SLC9A7: variants seen among roughly 807,000 people sequenced by gnomAD.
SLC9A7 encodes solute carrier family 9 member A7, also known as sodium/hydrogen exchanger 7.
A neutral mutation model predicts 52.6 loss-of-function variants in SLC9A7; 19 were observed. That is an observed-to-expected ratio of 0.36 (90% CI 0.25 to 0.53). The LOEUF (loss-of-function observed/expected upper bound fraction) is 0.53, where lower values mean the gene tolerates loss of function less well. Among genes scored for constraint, SLC9A7 ranks in the 20% least tolerant of loss-of-function variants. The pLI, the probability that SLC9A7 is intolerant of heterozygous loss-of-function variation, is 0.91. For missense variants in SLC9A7, 455 were observed against 597.9 expected (o/e 0.76, Z 2.49); for synonymous variants, 226 against 252.1 (o/e 0.90, Z 0.98).
At chrX:46,750,005 C>A (rs1037326376) in intron 1 of SLC9A7, among the ~76,000 whole-genome samples, 3 of 109,907 alleles carry the variant, frequency 2.7e-5, no homozygotes, top group Non-Finnish European at 3.8e-5. Context: ...CGCTTGAACC[C>A]AGGAGGCGGA....
At chrX:46,697,235 A>AG (rs1191353746) in intron 1 of SLC9A7, among the ~76,000 whole-genome samples, 1 of 112,550 alleles carries the variant, frequency 8.9e-6, no homozygotes, top group Non-Finnish European at 1.9e-5. Context: ...TAAGTTCAAG[A>AG]GATCTATTGG....
intron 1 of SLC9A7, among the ~76,000 whole-genome samples, chrX:46,737,763 A>G (rs1945143457): frequency 9.0e-6 from 1 of 111,422 alleles, no homozygotes. Context: ...GCAGTGGCTC[A>G]TGCCCGTAAT....
At chrX:46,703,072 GTCT>G (rs1178184905) in intron 1 of SLC9A7, among the ~76,000 whole-genome samples, 1 of 112,237 alleles carries the variant, frequency 8.9e-6, no homozygotes, top group Non-Finnish European at 1.9e-5. Context: ...CCACTTGTAT[GTCT>G]TCTTTTGAGA....
intron 1 of SLC9A7, chrX:46,685,062 G>T (rs944732897): frequency 8.9e-6 from 1 of 111,960 alleles, no homozygotes; most frequent in Non-Finnish European, 1.9e-5. Context: ...AGAATCATAG[G>T]GTCTCTGCAA....
chrX:46,700,992 C>A (rs758284369), intron 1 of SLC9A7, among the ~76,000 whole-genome samples: 1 of 111,742 alleles, frequency 8.9e-6, no homozygotes, highest in South Asian at 3.7e-4. Flanking sequence ...AACCTCCTGA[C>A]ATGAACTCCA....
intron 1 of SLC9A7, among the ~76,000 whole-genome samples, chrX:46,728,136 A>G (rs1247113177): frequency 3.6e-5 from 4 of 112,015 alleles, no homozygotes. Flanking sequence ...AGCACAAGCC[A>G]TAAAGGAAAA....
chrX:46,669,056 T>C, intron 5 of SLC9A7, among the ~76,000 whole-genome samples: 1 of 107,868 alleles, frequency 9.3e-6, no homozygotes, highest in Non-Finnish European at 1.9e-5. Context: ...TAGTCCCAGC[T>C]ACTCAGGACG....
At chrX:46,728,239 T>C (rs1345846194) in intron 1 of SLC9A7, among the ~76,000 whole-genome samples, 1 of 111,537 alleles carries the variant, frequency 9.0e-6, no homozygotes, top group Non-Finnish European at 1.9e-5. Context: ...CACAGACAGG[T>C]AGAAAATATT....
At chrX:46,725,802 C>T (rs137870279) in intron 1 of SLC9A7, 18,380 of 733,610 alleles carry the variant, frequency 0.025, 220 homozygotes, top group Non-Finnish European at 0.032. Context: ...TTTCACTTTC[C>T]CGAAGAATTG....
chrX:46,607,782 A>G (rs1942775403), intron 16 of SLC9A7, among the ~76,000 whole-genome samples: 1 of 111,459 alleles, frequency 9.0e-6, no homozygotes, highest in African/African-American at 3.3e-5. Context: ...CAAATGATCG[A>G]GGGAGAGCAA....
rs747962842 is a variant in SLC9A7 at position 46,656,074 on chromosome X, G to A, written c.1042-2360C>T. ...AGTGGGTCCCTGACCCCTGACCCCC[G>A]AGCAGCCTAACTGGGAGGCACCCCC... is the stretch of plus-strand genomic sequence containing the variant. On this transcript the variant is annotated intron_variant, in intron 7 of 16. Transcript: ENST00000616978. Among the ~76,000 whole-genome samples, 787 of 111,337 alleles carry A rather than the reference G, an allele frequency of 7.1e-3. 6 individuals carry two copies. The highest frequency in any genetic ancestry group is 0.025 in the African/African-American group (750 of 30,588).
intron 1 of SLC9A7, among the ~76,000 whole-genome samples, chrX:46,713,025 A>G (rs770305214): frequency 8.9e-5 from 10 of 112,417 alleles, no homozygotes; most frequent in Non-Finnish European, 1.7e-4. Flanking sequence ...TTTCTTGATA[A>G]CTGAAACAAA....
In SLC9A7 at chrX:46,602,713, CTTTG is replaced by C. The variant is rs1442379142; in HGVS notation, c.*4235_*4238del. The C allele has an allele frequency of 3.5e-5, 4 of 112,726 alleles. No individual in the cohort carries two copies. The highest frequency in any genetic ancestry group is 9.4e-5 in the Admixed American group (1 of 10,668). The allele number at this position is 112,726 out of a possible 1,213,427, so 9.3% of individuals were successfully genotyped here. A position where few individuals can be genotyped will look rare whatever the true frequency, so the allele number is the denominator to read the frequency against. On this transcript the variant is annotated 3_prime_UTR_variant, in exon 17 of 17. Coordinates refer to ENST00000616978, the MANE Select transcript of SLC9A7 (RefSeq NM_001257291.2). Reference sequence around the variant, plus strand: ...ACTTGGGTTTACTCTCTTGGAAGAACTTTGTTTATTTGGATGTACCATTACTTAG... The same window carrying C: ...ACTTGGGTTTACTCTCTTGGAAGAACTTTATTTGGATGTACCATTACTTAG...
chrX:46,657,485 G>A (rs1380454563), intron 7 of SLC9A7, among the ~76,000 whole-genome samples: 1 of 110,066 alleles, frequency 9.1e-6, no homozygotes, highest in African/African-American at 3.3e-5. Context: ...CCCAACTCAC[G>A]TGCAGAGACA....
chrX:46,750,768 T>G (rs370948840), intron 1 of SLC9A7, among the ~76,000 whole-genome samples: 11 of 112,354 alleles, frequency 9.8e-5, no homozygotes, highest in African/African-American at 2.9e-4. Flanking sequence ...TCTACTATTA[T>G]TTTATTAGAA....
chrX:46,626,955 A>G (rs1023763312), intron 14 of SLC9A7, among the ~76,000 whole-genome samples: 6 of 111,778 alleles, frequency 5.4e-5, no homozygotes, highest in Non-Finnish European at 1.1e-4. Context: ...ATGGACTAAT[A>G]CAGGGCCTTT....
intron 1 of SLC9A7, among the ~76,000 whole-genome samples, chrX:46,756,877 A>G (rs1276040753): frequency 9.8e-5 from 11 of 112,069 alleles, no homozygotes; most frequent in Non-Finnish European, 1.9e-5. Flanking sequence ...GTGAGTTTTA[A>G]AAGTACGTAT....
intron 1 of SLC9A7, among the ~76,000 whole-genome samples, chrX:46,712,339 G>A (rs778194677): frequency 1.4e-4 from 16 of 111,296 alleles, no homozygotes; most frequent in African/African-American, 4.6e-4. Flanking sequence ...GGTGGAAGGC[G>A]AAGGGGAGCC....
chrX:46,631,859 G>A (rs181052366), intron 13 of SLC9A7, among the ~76,000 whole-genome samples: 49 of 111,721 alleles, frequency 4.4e-4, no homozygotes, highest in Admixed American at 2.3e-3. Context: ...GAGGGGCGAT[G>A]AATCCCATGT....
Sources: allele counts gnomAD v4.1 joint callset (sites outside exome capture counted in the v4.1 genomes callset), GRCh38; gene constraint gnomAD v4.1.1; transcripts MANE v1.5; gene names NCBI Gene and HGNC (gene_info 2026-07-23, HGNC 2026-07-21).